ADGRE1: variants seen among roughly 807,000 people sequenced by gnomAD.
The protein encoded by ADGRE1 is adhesion G protein-coupled receptor E1, also known as EGF-like module receptor 1.
In ADGRE1, 82 loss-of-function variants were observed where a neutral mutation model predicts 102.7. The observed-to-expected ratio is 0.80, with a 90% CI of 0.67 to 0.96. ADGRE1 has a LOEUF of 0.96. ADGRE1 is among the 40% of genes least tolerant of loss of function. The pLI is 0.00. For missense variants in ADGRE1, 1,032 were observed against 1,085.3 expected (o/e 0.95, Z 0.69); for synonymous variants, 398 against 399.6 (o/e 1.00, Z 0.05).
chr19:6,928,158 A>G lies in ADGRE1; in HGVS notation c.2236A>G (p.Thr746Ala), dbSNP rs1440959127. Reference protein sequence around the residue: ...YGMHNRCWLNTETGFIWSFLG... With the variant: ...YGMHNRCWLNAETGFIWSFLG... ...TTCTCTCCACAGCTGCTGGCTGAATACAGAGACAGGGTTCATCTGGAGTTT... is the reference window on the plus strand; with the variant it reads ...TTCTCTCCACAGCTGCTGGCTGAATGCAGAGACAGGGTTCATCTGGAGTTT... Residue 746 changes from threonine (T) to alanine (A), a missense_variant, in exon 17 of 21, where the codon ACA becomes GCA. Transcript: ENST00000312053. The G allele has an allele frequency of 6.2e-7, 1 of 1,613,950 alleles. No homozygotes were observed. Among genetic ancestry groups the G allele is most frequent in the Non-Finnish European group, 8.5e-7 (1 of 1,179,912 alleles).
rs370801852 is a variant in ADGRE1, at chr19:6,926,388, G to C, written c.2009G>C (p.Gly670Ala). The change falls in exon 16 of 21, where the codon GGC becomes GCC. Residue 670 changes from glycine (G) to alanine (A), a missense_variant. By Grantham distance (60) the Gly-to-Ala change is moderately conservative. Transcript: ENST00000312053. ...DNKMGCAIIA[G>A]FLHYLFLACF... ...CAGATGGGCTGCGCCATCATCGCGG[G>C]CTTCCTGCACTACCTTTTCCTTGCC... The C allele has an allele frequency of 1.9e-5, 31 of 1,614,032 alleles. No individual in the cohort carries two copies. Among genetic ancestry groups the C allele is most frequent in the Non-Finnish European group, 2.6e-5 (31 of 1,180,046 alleles).
At chr19:6,899,276 A>T (rs1225067870) in intron 5 of ADGRE1, among the ~76,000 whole-genome samples, 2 of 152,168 alleles carry the variant, frequency 1.3e-5, no homozygotes, top group Admixed American at 1.3e-4. Flanking sequence ...TGTGTATGGC[A>T]TCTGATGGGA....
At chr19:6,915,520 C>T (rs537027312) in intron 11 of ADGRE1, among the ~76,000 whole-genome samples, 5 of 152,252 alleles carry the variant, frequency 3.3e-5, no homozygotes, top group East Asian at 1.9e-4. Flanking sequence ...GCAGCTAGTG[C>T]GTGGCAGAGC....
chr19:6,929,031 T>C (rs998400868), intron 17 of ADGRE1, among the ~76,000 whole-genome samples: 5 of 152,230 alleles, frequency 3.3e-5, no homozygotes, highest in Admixed American at 1.3e-4. Context: ...AATTTTGTTT[T>C]TCCTTCTGAA....
chr19:6,905,199 T>C (rs1337941923), intron 8 of ADGRE1, among the ~76,000 whole-genome samples: 1 of 152,036 alleles, frequency 6.6e-6, no homozygotes, highest in African/African-American at 2.4e-5. Flanking sequence ...TGATAAAAAA[T>C]TAGCCAGGTG....
rs1297353730 is a variant in ADGRE1, at chr19:6,937,373, G to A, written c.2512G>A (p.Ala838Thr). The A allele has an allele frequency of 5.6e-6, 9 of 1,613,810 alleles. No individual in the cohort carries two copies. Among genetic ancestry groups the A allele is most frequent in the Admixed American group, 3.3e-5 (2 of 59,976 alleles). ...CACCATCATCAACAGCCTGCAGGGG[G>A]CCTTCATCTTCCTCATCCACTGTCT... Reference protein sequence around the residue: ...LFTIINSLQGAFIFLIHCLLN... With the variant: ...LFTIINSLQGTFIFLIHCLLN... The change falls in exon 19 of 21, where the codon GCC becomes ACC. Residue 838 changes from alanine to threonine, a missense_variant. Ala to Thr is a moderately conservative substitution (Grantham distance 58). Coordinates refer to ENST00000312053, the MANE Select transcript of ADGRE1 (RefSeq NM_001974.5).
intron 16 of ADGRE1, among the ~76,000 whole-genome samples, chr19:6,927,379 A>G (rs966602845): frequency 1.4e-5 from 2 of 146,784 alleles, no homozygotes; most frequent in African/African-American, 5.1e-5. Context: ...TATCTTGTCT[A>G]TGCTAGGCTG....
chr19:6,905,879 C>T (rs553423068), intron 8 of ADGRE1, among the ~76,000 whole-genome samples: 11 of 152,202 alleles, frequency 7.2e-5, no homozygotes, highest in Admixed American at 7.2e-4. Context: ...TATGTTTCTT[C>T]TCCATTCTAT....
At chr19:6,903,024 C>A (rs1973828029) in intron 6 of ADGRE1, among the ~76,000 whole-genome samples, 1 of 152,194 alleles carries the variant, frequency 6.6e-6, no homozygotes, top group Non-Finnish European at 1.5e-5. Context: ...ATTGAAGAGG[C>A]AGTGTTGCAG....
In ADGRE1 at chr19:6,935,066, T is replaced by C. The variant is rs377639566; in HGVS notation, c.2369T>C (p.Leu790Pro). The C allele has an allele frequency of 2.4e-5, 39 of 1,597,856 alleles. No individual in the cohort carries two copies. The Middle Eastern group carries it at 5.0e-4, about 20-fold the overall frequency. The change falls in exon 18 of 21, where the codon CTA becomes CCA. Residue 790 changes from leucine to proline, a missense_variant. By Grantham distance (98) the Leu-to-Pro change is moderately conservative (BLOSUM62 -3). Transcript: ENST00000312053. ...LSSVNAEVST[L>P]KDTRLLTFKA... Reference sequence around the variant, plus strand: ...AGTGTTAATGCCGAAGTCTCAACGCTAAAAGACACCAGGTAAAGCCCTCTT... The same window carrying C: ...AGTGTTAATGCCGAAGTCTCAACGCCAAAAGACACCAGGTAAAGCCCTCTT...
Position 6,904,065 on chromosome 19 carries a change from A to G in ADGRE1, c.832A>G (p.Thr278Ala), listed in dbSNP as rs764091184. The G allele has an allele frequency of 5.0e-6, 8 of 1,614,054 alleles. No homozygotes were observed. In the African/African-American group the frequency reaches 1.1e-4, roughly 22 times the overall value. Residue 278 changes from threonine (T) to alanine (A), a missense_variant, in exon 8 of 21, where the codon ACC becomes GCC. Transcript: ENST00000312053. ...TGATGAGTGCCGCCAAGATCCATCA[A>G]CCTGTGGTCCTAATTCTATCTGCAC... ...DIDECRQDPS[T>A]CGPNSICTNA...
intron 11 of ADGRE1, among the ~76,000 whole-genome samples, chr19:6,916,018 C>G (rs1356115352): frequency 6.6e-6 from 1 of 152,078 alleles, no homozygotes; most frequent in Admixed American, 6.6e-5. Context: ...TGATGCACCC[C>G]CTAGGAGATG....
chr19:6,919,823 A>C, intron 13 of ADGRE1, 76 bp downstream of exon 13: 145 of 1,432,820 alleles, frequency 1.0e-4, no homozygotes, highest in Middle Eastern at 4.0e-4. Flanking sequence ...CTTAACTCTC[A>C]TTTTTTACGG....
intron 18 of ADGRE1, among the ~76,000 whole-genome samples, chr19:6,935,975 G>A (rs252560): frequency 0.73 from 110,350 of 152,044 alleles, 40,522 homozygotes; most frequent in Non-Finnish European, 0.79. Flanking sequence ...ATTTTTACAG[G>A]TCAATTGTGT....
chr19:6,911,793 A>AAC (rs76124657), intron 10 of ADGRE1, among the ~76,000 whole-genome samples: 95,496 of 151,304 alleles, frequency 0.63, 31,963 homozygotes, highest in Non-Finnish European at 0.75. Context: ...ATACACATAT[A>AAC]ACATACATAC....
At chr19:6,927,295 C>T (rs376171297) in intron 16 of ADGRE1, among the ~76,000 whole-genome samples, 7 of 65,260 alleles carry the variant, frequency 1.1e-4, no homozygotes, top group Admixed American at 2.8e-4. Context: ...TTCCCTCCCT[C>T]CCTCTCTTCC....
At chr19:6,932,895 T>C (rs528549588) in intron 17 of ADGRE1, among the ~76,000 whole-genome samples, 17 of 152,292 alleles carry the variant, frequency 1.1e-4, no homozygotes, top group African/African-American at 4.1e-4. Context: ...GTGCAGTAAA[T>C]ATTAGGTATG....
rs200929145 is a variant in ADGRE1, at chr19:6,913,833, A to G, written c.1300+3A>G. The G allele has an allele frequency of 1.4e-4, 223 of 1,577,674 alleles. No individual in the cohort carries two copies. In the African/African-American group the frequency reaches 2.8e-3, roughly 20 times the overall value. ...GGCTGTTCGGACGGAATACTTAGGTAGGAGACACCCTTTGTGGCAAGGTTA... is the reference window on the plus strand; with the variant it reads ...GGCTGTTCGGACGGAATACTTAGGTGGGAGACACCCTTTGTGGCAAGGTTA... On this transcript the variant is annotated splice_donor_region_variant and intron_variant, in intron 11 of 20. Transcript: ENST00000312053.
chr19:6,900,217 G>T (rs551256835), intron 5 of ADGRE1, among the ~76,000 whole-genome samples: 2 of 151,734 alleles, frequency 1.3e-5, no homozygotes, highest in Non-Finnish European at 2.9e-5. Context: ...GCTCACACCT[G>T]TAATACCAGC....
Sources: allele counts gnomAD v4.1 joint callset (sites outside exome capture counted in the v4.1 genomes callset), GRCh38; gene constraint gnomAD v4.1.1; transcripts MANE v1.5; gene names NCBI Gene and HGNC (gene_info 2026-07-23, HGNC 2026-07-21).